Variants in SPOCK3 observed in about 807,000 individuals in gnomAD.
The protein encoded by SPOCK3 is testican-3.
In SPOCK3, 30 loss-of-function variants were observed where a neutral mutation model predicts 56.6. That is an observed-to-expected ratio of 0.53 (90% CI 0.40 to 0.72). The LOEUF is 0.72. Among genes scored for constraint, SPOCK3 ranks in the 30% least tolerant of loss-of-function variants. The pLI, the probability that SPOCK3 is intolerant of heterozygous loss-of-function variation, is 0.00. For synonymous variants in SPOCK3, 196 were observed against 183.3 expected, an observed-to-expected ratio of 1.07 and a Z score of -0.56; for missense variants, 527 against 530.0, an observed-to-expected ratio of 0.99 and a Z score of 0.06.
At chr4:166,846,010 C>T (rs1414043605) in intron 6 of SPOCK3, among the ~76,000 whole-genome samples, 3 of 152,088 alleles carry the variant, frequency 2.0e-5, no homozygotes, top group African/African-American at 7.2e-5. Context: ...AATTAAAACA[C>T]AATGGTAACT....
At chr4:167,147,328 C>CA (rs970523560) in intron 2 of SPOCK3, among the ~76,000 whole-genome samples, 1 of 151,968 alleles carries the variant, frequency 6.6e-6, no homozygotes, top group Non-Finnish European at 1.5e-5. Context: ...GCCTCCCAAC[C>CA]AAAAAAAGTC....
chr4:167,093,258 C>T (rs937614009), intron 2 of SPOCK3, among the ~76,000 whole-genome samples: 2 of 152,090 alleles, frequency 1.3e-5, no homozygotes, highest in Admixed American at 1.3e-4. Flanking sequence ...ATAATCAATA[C>T]ATATTGATAA....
chr4:166,983,091 T>C (rs1445720853), intron 4 of SPOCK3, among the ~76,000 whole-genome samples: 1 of 152,134 alleles, frequency 6.6e-6, no homozygotes, highest in Non-Finnish European at 1.5e-5. Context: ...ATGCAATCAT[T>C]AACTTTCAGG....
intron 5 of SPOCK3, among the ~76,000 whole-genome samples, chr4:166,908,287 C>CAA (rs1412621732): frequency 6.6e-6 from 1 of 151,126 alleles, no homozygotes; most frequent in African/African-American, 2.4e-5. Flanking sequence ...CACACACACA[C>CAA]ACACACACAC....
At chr4:167,130,125 C>T (rs1439776819) in intron 2 of SPOCK3, among the ~76,000 whole-genome samples, 1 of 152,108 alleles carries the variant, frequency 6.6e-6, no homozygotes, top group Non-Finnish European at 1.5e-5. Flanking sequence ...AAGCCGTCTT[C>T]CCCGCTCAGC....
chr4:167,120,365 T>TTTC (rs1229287930), intron 2 of SPOCK3, among the ~76,000 whole-genome samples: 2 of 152,018 alleles, frequency 1.3e-5, no homozygotes, highest in African/African-American at 4.8e-5. Context: ...TGGTACATAG[T>TTTC]AAGGTTGTAG....
At chr4:166,971,155 G>A (rs1459674173) in intron 4 of SPOCK3, among the ~76,000 whole-genome samples, 1 of 152,178 alleles carries the variant, frequency 6.6e-6, no homozygotes, top group Non-Finnish European at 1.5e-5. Context: ...TTTGCAAGAT[G>A]TGACACAGAG....
intron 3 of SPOCK3, among the ~76,000 whole-genome samples, chr4:167,056,515 G>C (rs1457516767): frequency 6.6e-6 from 1 of 152,028 alleles, no homozygotes; most frequent in Non-Finnish European, 1.5e-5. Flanking sequence ...TCAAACCAAA[G>C]GCAAAGAAGT....
chr4:166,844,788 C>T (rs1747887472), intron 6 of SPOCK3, among the ~76,000 whole-genome samples: 1 of 152,170 alleles, frequency 6.6e-6, no homozygotes, highest in Admixed American at 6.5e-5. Context: ...ACCTGCCTAC[C>T]TACCTAGATC....
At chr4:167,046,839 T>C (rs1417638979) in intron 3 of SPOCK3, among the ~76,000 whole-genome samples, 1 of 152,110 alleles carries the variant, frequency 6.6e-6, no homozygotes, top group African/African-American at 2.4e-5. Flanking sequence ...ACAATAGTGT[T>C]AAGAGGAAGG....
chr4:166,971,526 T>A (rs1267064323), intron 4 of SPOCK3, among the ~76,000 whole-genome samples: 1 of 152,056 alleles, frequency 6.6e-6, no homozygotes, highest in East Asian at 1.9e-4. Context: ...GAAGAGAAAG[T>A]ATTTTTTCAA....
chr4:167,201,016 T>C (rs1312997520), intron 2 of SPOCK3, among the ~76,000 whole-genome samples: 1 of 151,998 alleles, frequency 6.6e-6, no homozygotes, highest in Non-Finnish European at 1.5e-5. Flanking sequence ...CATCACACTT[T>C]AAAACAATTG....
chr4:166,768,017 C>CTTT (rs200953499), intron 7 of SPOCK3, among the ~76,000 whole-genome samples: 2 of 111,182 alleles, frequency 1.8e-5, no homozygotes, highest in East Asian at 2.1e-4. Flanking sequence ...GCAAACCCTG[C>CTTT]TTTTTTTGTT....
chr4:167,228,187 C>T (rs901359438), intron 2 of SPOCK3, among the ~76,000 whole-genome samples: 15 of 152,066 alleles, frequency 9.9e-5, no homozygotes, highest in African/African-American at 3.4e-4. Context: ...TATATAATTG[C>T]CTCTGTTTTC....
intron 2 of SPOCK3, among the ~76,000 whole-genome samples, chr4:167,186,117 C>T (rs1410729540): frequency 6.6e-6 from 1 of 152,036 alleles, no homozygotes; most frequent in East Asian, 1.9e-4. Flanking sequence ...TAGAGTTTCT[C>T]TTTAGAATGA....
intron 3 of SPOCK3, among the ~76,000 whole-genome samples, chr4:167,021,682 G>T (rs543874067): frequency 6.6e-6 from 1 of 152,048 alleles, no homozygotes; most frequent in African/African-American, 2.4e-5. Context: ...TGTCCTAGTA[G>T]GTTGCACAGG....
At position 166,742,042 on chromosome 4, in the gene SPOCK3, C is replaced by G. The variant is rs1373905462; in HGVS notation, c.949G>C (p.Glu317Gln). ...TGCCGCTTCTGAATATTGCTGAGCT[C>G]AGTCTGGCAAGGTGGGTCTGCAATG... The part of the protein sequence containing the change: ...QRQQDPPCQT[E>Q]LSNIQKRQGV... Residue 317 changes from glutamate to glutamine, a missense_variant, in exon 9 of 11, where the codon GAG becomes CAG. By Grantham distance (29) the Glu-to-Gln change is conservative. Coordinates refer to ENST00000357545, the MANE Select transcript of SPOCK3 (RefSeq NM_001040159.2). 6.2e-7 allele frequency: 1 copy of G among 1,612,704 alleles called. No homozygotes were observed. The highest frequency in any genetic ancestry group is 8.5e-7 in the Non-Finnish European group (1 of 1,179,070).
intron 3 of SPOCK3, among the ~76,000 whole-genome samples, chr4:167,030,479 T>C (rs765860358): frequency 6.6e-6 from 1 of 152,058 alleles, no homozygotes; most frequent in African/African-American, 2.4e-5. Context: ...CCTCAAGGTA[T>C]TGACTGTTGG....
At chr4:166,961,934 TC>T (rs1561060219) in intron 4 of SPOCK3, among the ~76,000 whole-genome samples, 1 of 152,062 alleles carries the variant, frequency 6.6e-6, no homozygotes, top group Non-Finnish European at 1.5e-5. Flanking sequence ...AGTTCAAACA[TC>T]ATAGCAGTGC....
Sources: allele counts gnomAD v4.1 joint callset (sites outside exome capture counted in the v4.1 genomes callset), GRCh38; gene constraint gnomAD v4.1.1; transcripts MANE v1.5; gene names NCBI Gene and HGNC (gene_info 2026-07-23, HGNC 2026-07-21).